The following APPL1 variants were observed in gnomAD, a reference collection of about 807,000 sequenced individuals.
The protein encoded by APPL1 is adaptor protein, phosphotyrosine interacting with PH domain and leucine zipper 1.
APPL1 carries 42 observed loss-of-function variants against 106.8 expected under a neutral mutation model. The ratio of observed to expected loss-of-function variants is 0.39; its 90% confidence interval spans 0.31 to 0.51. The LOEUF (loss-of-function observed/expected upper bound fraction) is 0.51, where lower values mean the gene tolerates loss of function less well. Among genes scored for constraint, APPL1 ranks in the 20% least tolerant of loss-of-function variants. APPL1 has a pLI of 0.75. For synonymous variants in APPL1, 263 were observed against 281.8 expected (o/e 0.93, Z 0.67); for missense variants, 769 against 858.2 (o/e 0.90, Z 1.30).
intron 13 of APPL1, among the ~76,000 whole-genome samples, chr3:57,256,745 A>G (rs1241971446): frequency 6.6e-6 from 1 of 152,238 alleles, no homozygotes; most frequent in Non-Finnish European, 1.5e-5. Context: ...ATGTATAAGT[A>G]GAAAATCAGA....
At chr3:57,264,170 T>C (rs2060882777) in intron 19 of APPL1, among the ~76,000 whole-genome samples, 1 of 152,226 alleles carries the variant, frequency 6.6e-6, no homozygotes, top group South Asian at 2.1e-4. Flanking sequence ...CTGTTTGCCA[T>C]TTGTATGTCT....
chr3:57,242,830 T>G, intron 6 of APPL1, 26 bp from the exon 7 acceptor site: 1 of 1,567,292 alleles, frequency 6.4e-7, no homozygotes, highest in Non-Finnish European at 8.8e-7. Flanking sequence ...ACTGTTGTAT[T>G]GTTAACACTC....
chr3:57,232,264 A>G (rs1278288818), intron 1 of APPL1, among the ~76,000 whole-genome samples: 1 of 152,242 alleles, frequency 6.6e-6, no homozygotes, highest in Admixed American at 6.5e-5. Context: ...TTTTTGCATA[A>G]TATGAATTAA....
rs2060740092 is a variant in APPL1, at chr3:57,240,522, A to G, written c.343A>G (p.Ile115Val). 2 of 1,613,818 alleles carry G rather than the reference A, an allele frequency of 1.2e-6. No individual in the cohort carries two copies. Among genetic ancestry groups the G allele is most frequent in the Non-Finnish European group, 1.7e-6 (2 of 1,179,822 alleles). ...TQLADAMMFPITQFKERDLKE... is the reference protein window; with the variant it reads ...TQLADAMMFPVTQFKERDLKE... ...ACTTGCTGATGCCATGATGTTCCCC[A>G]TTACCCAGTTTAAAGAAAGAGATCT... is the stretch of plus-strand genomic sequence containing the variant. The change falls in exon 5 of 22, where the codon ATT (isoleucine) becomes GTT (valine). Residue 115 changes from isoleucine to valine, a missense_variant. Ile to Val is a conservative substitution (Grantham distance 29). Coordinates refer to ENST00000288266, the MANE Select transcript of APPL1 (RefSeq NM_012096.3).
intron 11 of APPL1, among the ~76,000 whole-genome samples, chr3:57,249,963 A>G (rs1397969898): frequency 1.7e-5 from 2 of 114,680 alleles, no homozygotes; most frequent in Non-Finnish European, 3.6e-5. Context: ...TTCATGTAAA[A>G]TGTGAATGGG....
chr3:57,250,271 G>A (rs1250781299), intron 11 of APPL1, among the ~76,000 whole-genome samples: 1 of 152,034 alleles, frequency 6.6e-6, no homozygotes, highest in Non-Finnish European at 1.5e-5. Flanking sequence ...ATCCCAAGTT[G>A]CTAGGATCAC....
rs147175597 is a variant in APPL1, at chr3:57,248,205, A to G, written c.717A>G (p.Glu239=). The change falls in exon 10 of 22, where the codon GAA becomes GAG. Residue 239 remains glutamate (E), a synonymous_variant. Coordinates refer to ENST00000288266, the MANE Select transcript of APPL1 (RefSeq NM_012096.3). ...TGTTCTGTGTCAGTGTTCGCAGGGA[A>G]ATGGACAGTGATATAGAGACCATGC... is the stretch of plus-strand genomic sequence containing the variant. ...IGTSVQNVRR[E]MDSDIETMQQ... is the part of the protein sequence containing the mutation. 1 of 1,613,300 alleles carries G rather than the reference A, an allele frequency of 6.2e-7. No homozygotes were observed. Among genetic ancestry groups the G allele is most frequent in the Non-Finnish European group, 8.5e-7 (1 of 1,179,588 alleles).
Position 57,257,236 on chromosome 3 carries a change from T to G in APPL1, c.1248-10T>G. ...AAATTAAATGCAATGCCTTCTTGTT[T>G]TATGCTTAGACAATCTCGGCCACCG... On this transcript the variant is annotated splice_polypyrimidine_tract_variant and intron_variant, in intron 14 of 21. Coordinates refer to ENST00000288266, the MANE Select transcript of APPL1 (RefSeq NM_012096.3). 3.1e-6 allele frequency: 5 copies of G among 1,603,768 alleles called. No homozygotes were observed. The highest frequency in any genetic ancestry group is 4.3e-6 in the Non-Finnish European group (5 of 1,176,110).
Position 57,271,164 on chromosome 3 carries a change from C to G in APPL1, c.*1477C>G, listed in dbSNP as rs2060935943. On this transcript the variant is annotated 3_prime_UTR_variant, in exon 22 of 22. Transcript: ENST00000288266. Reference sequence around the variant, plus strand: ...TTTCTTTGATATACAGTTTTTTCTTCTTAGTTCTGCATTAGAAATGGCATC... The same window carrying G: ...TTTCTTTGATATACAGTTTTTTCTTGTTAGTTCTGCATTAGAAATGGCATC... 6.6e-6 allele frequency: 1 copy of G among 150,868 alleles called. No homozygotes were observed. The highest frequency in any genetic ancestry group is 2.1e-4 in the South Asian group (1 of 4,782). 9.3% of individuals were successfully genotyped at this position (150,868 alleles called of 1,614,324 possible). A position where few individuals can be genotyped will look rare whatever the true frequency, so the allele number is the denominator to read the frequency against.
intron 7 of APPL1, among the ~76,000 whole-genome samples, chr3:57,243,526 G>A (rs1230444145): frequency 6.6e-6 from 1 of 152,154 alleles, no homozygotes; most frequent in Admixed American, 6.5e-5. Context: ...GTGCCTGGGT[G>A]TTGGTGTCTG....
At position 57,268,465 on chromosome 3, in the gene APPL1, A is replaced by G. The variant is rs144769112; in HGVS notation, c.1961A>G (p.Asn654Ser). The G allele has an allele frequency of 1.0e-3, 1,665 of 1,605,176 alleles. 2 individuals are homozygous for G. The highest frequency in any genetic ancestry group is 1.4e-3 in the Non-Finnish European group (1,599 of 1,176,222). ...AAAGAGAAGCAACAGAAAGAACTCAATAAACAAAAACAGATTGAAAAGGTA... is the reference window on the plus strand; with the variant it reads ...AAAGAGAAGCAACAGAAAGAACTCAGTAAACAAAAACAGATTGAAAAGGTA... ...RVKEKQQKEL[N>S]KQKQIEKDLE... Residue 654 changes from asparagine to serine, a missense_variant, in exon 21 of 22, where the codon AAT (asparagine) becomes AGT (serine). Coordinates refer to ENST00000288266, the MANE Select transcript of APPL1 (RefSeq NM_012096.3).
At chr3:57,265,250 G>C (rs770962296) in intron 19 of APPL1, among the ~76,000 whole-genome samples, 2 of 152,118 alleles carry the variant, frequency 1.3e-5, no homozygotes, top group Non-Finnish European at 2.9e-5. Context: ...CCAGGTTCAA[G>C]TAATTCTCAT....
intron 11 of APPL1, among the ~76,000 whole-genome samples, chr3:57,250,810 T>C (rs1410688510): frequency 4.2e-5 from 6 of 143,162 alleles, no homozygotes; most frequent in Non-Finnish European, 9.2e-5. Flanking sequence ...CTTTCTTTTT[T>C]TTTTTTTTTT....
In APPL1 at chr3:57,271,293, T is replaced by A. The variant is rs939061786; in HGVS notation, c.*1606T>A. On this transcript the variant is annotated 3_prime_UTR_variant, in exon 22 of 22. Transcript: ENST00000288266. ...ATATAGGATCATGATATTCCTTCTA[T>A]CCATGTGCCAAATGGGTGTAATGTT... 2.8e-4 allele frequency: 42 copies of A among 152,624 alleles called. No homozygotes were observed. Among genetic ancestry groups the A allele is most frequent in the African/African-American group, 9.2e-4 (38 of 41,458 alleles). The allele number at this position is 152,624 out of a possible 1,614,324, so 9.5% of individuals were successfully genotyped here.
intron 12 of APPL1, among the ~76,000 whole-genome samples, chr3:57,252,964 A>G (rs1374357194): frequency 1.3e-5 from 2 of 152,224 alleles, no homozygotes; most frequent in East Asian, 3.8e-4. Context: ...TGGAAATGCT[A>G]TAGAGATCTA....
intron 11 of APPL1, among the ~76,000 whole-genome samples, chr3:57,250,081 TAATC>T (rs556668671): frequency 1.8e-4 from 28 of 152,358 alleles, no homozygotes; most frequent in Non-Finnish European, 3.5e-4. Context: ...TTTAAAATGT[TAATC>T]AAGTATTTCT....
chr3:57,266,762 T>A (rs1325171803), intron 19 of APPL1, among the ~76,000 whole-genome samples: 1 of 152,180 alleles, frequency 6.6e-6, no homozygotes, highest in South Asian at 2.1e-4. Context: ...TTGAGTTGAT[T>A]TTTGTGTATG....
chr3:57,271,695 G>A lies in APPL1; in HGVS notation c.*2008G>A, dbSNP rs2060941279. 1 of 152,210 alleles carries A rather than the reference G, an allele frequency of 6.6e-6. No homozygotes were observed. 9.4% of individuals were successfully genotyped at this position (152,210 alleles called of 1,614,324 possible). On this transcript the variant is annotated 3_prime_UTR_variant, in exon 22 of 22. Coordinates refer to ENST00000288266, the MANE Select transcript of APPL1 (RefSeq NM_012096.3). Reference sequence around the variant, plus strand: ...GTGCTGCCCTTTATCAGCACCCTGGGTCATAGTGTAGGCTAGAGTTAAGGC... The same window carrying A: ...GTGCTGCCCTTTATCAGCACCCTGGATCATAGTGTAGGCTAGAGTTAAGGC...
At chr3:57,258,970 C>G (rs2060851186) in intron 15 of APPL1, 58 bp from the exon 16 acceptor site, 2 of 1,262,912 alleles carry the variant, frequency 1.6e-6, no homozygotes, top group South Asian at 1.3e-5. Flanking sequence ...AATTAGATTT[C>G]TTCTATGTGG....
Sources: allele counts gnomAD v4.1 joint callset (sites outside exome capture counted in the v4.1 genomes callset), GRCh38; gene constraint gnomAD v4.1.1; transcripts MANE v1.5; gene names NCBI Gene and HGNC (gene_info 2026-07-23, HGNC 2026-07-21).